The following ENTPD2 variants were observed in gnomAD, a reference collection of about 807,000 sequenced individuals.
The protein encoded by ENTPD2 is CD39 antigen-like 1.
In ENTPD2, 48 loss-of-function variants were observed where a neutral mutation model predicts 46.8. The observed-to-expected ratio is 1.03, with a 90% CI of 0.81 to 1.30. The LOEUF is 1.30. ENTPD2 is among the 50% of genes most tolerant of loss of function. The pLI, the probability that ENTPD2 is intolerant of heterozygous loss-of-function variation, is 0.00. For missense variants in ENTPD2, 707 were observed against 651.1 expected (o/e 1.09, Z -0.93); for synonymous variants, 316 against 286.1 (o/e 1.10, Z -1.06).
Position 137,048,308 on chromosome 9 carries a change from CAGGCTGA to C in ENTPD2, c.*342_*348del. 1 of 240,320 alleles carries C rather than the reference CAGGCTGA, an allele frequency of 4.2e-6. No individual in the cohort carries two copies. The highest frequency in any genetic ancestry group is 5.8e-5 in the South Asian group (1 of 17,114). 14.9% of individuals were successfully genotyped at this position (240,320 alleles called of 1,614,324 possible). A position where few individuals can be genotyped will look rare whatever the true frequency, so the allele number is the denominator to read the frequency against. ...GGAGCACGGGGCCTGCAGTGATGCCCAGGCTGAAGCGGGCTGGAGGGGTTCAAGGAGC... is the reference window on the plus strand; with the variant it reads ...GGAGCACGGGGCCTGCAGTGATGCCCAGCGGGCTGGAGGGGTTCAAGGAGC... On this transcript the variant is annotated 3_prime_UTR_variant, in exon 9 of 9. Coordinates refer to ENST00000355097, the MANE Select transcript of ENTPD2 (RefSeq NM_203468.3).
intron 5 of ENTPD2, 140 bp from the exon 6 acceptor site, chr9:137,050,678 A>G: frequency 7.2e-7 from 1 of 1,382,000 alleles, no homozygotes; most frequent in African/African-American, 1.4e-5. Flanking sequence ...CCTGCTTGAC[A>G]GATCCCAACG....
intron 5 of ENTPD2, 129 bp downstream of exon 5, chr9:137,050,773 T>C (rs1832271500): frequency 2.3e-6 from 3 of 1,322,482 alleles, no homozygotes; most frequent in Non-Finnish European, 3.1e-6. Flanking sequence ...GCTCATGCTC[T>C]GACCCTCCCA....
rs769533874 is a variant in ENTPD2 at position 137,050,404 on chromosome 9, C to G, written c.909G>C (p.Gly303=). 8.7e-6 allele frequency: 14 copies of G among 1,612,920 alleles called. No individual in the cohort carries two copies. The highest frequency in any genetic ancestry group is 5.0e-5 in the Admixed American group (3 of 59,998). The change falls in exon 6 of 9, where the codon GGG becomes GGC. Residue 303 remains glycine, a synonymous_variant. Transcript: ENST00000355097. ...CTCGGCAGAGGTGGGGGTCACTGCT[C>G]CCTGACAGGCTGACCCTGGCACTGC... The part of the protein sequence containing the change: ...FNSSARVSLS[G]SSDPHLCRDL...
In ENTPD2 at chr9:137,051,666, G is replaced by A. The variant is rs762206957; in HGVS notation, c.236-6C>T. Reference sequence around the variant, plus strand: ...ATAGCTGGAGATGCCCCCACCTAGAGGGAGGCAGAGAGATGAGCCTATGCC... The same window carrying A: ...ATAGCTGGAGATGCCCCCACCTAGAAGGAGGCAGAGAGATGAGCCTATGCC... On this transcript the variant is annotated splice_polypyrimidine_tract_variant and splice_region_variant and intron_variant, in intron 2 of 8. Transcript: ENST00000355097. 8 of 1,606,182 alleles carry A rather than the reference G, an allele frequency of 5.0e-6. No homozygotes were observed. The highest frequency in any genetic ancestry group is 1.7e-5 in the Admixed American group (1 of 59,126).
chr9:137,049,515 G>C, intron 7 of ENTPD2: 1 of 437,774 alleles, frequency 2.3e-6, no homozygotes, highest in Non-Finnish European at 4.1e-6. Context: ...CGACTCGTAC[G>C]TTTCTCTTGG....
chr9:137,049,641 C>T, intron 7 of ENTPD2: 1 of 534,500 alleles, frequency 1.9e-6, no homozygotes. Context: ...TCCCCCTGCC[C>T]TCCAGATCTG....
intron 5 of ENTPD2, 146 bp from the exon 6 acceptor site, chr9:137,050,684 C>G (rs866931253): frequency 2.9e-6 from 4 of 1,369,428 alleles, no homozygotes; most frequent in Middle Eastern, 2.5e-4. Context: ...TGACAGATCC[C>G]AACGCCCCTG....
intron 1 of ENTPD2, chr9:137,052,713 C>T (rs1170319498): frequency 6.1e-6 from 1 of 162,622 alleles, no homozygotes; most frequent in East Asian, 1.7e-4. Flanking sequence ...AGAGGAAGCT[C>T]CTCTGCAAGA....
At position 137,048,766 on chromosome 9, in the gene ENTPD2, TCTGTGCC is replaced by T. The variant is rs767224684; in HGVS notation, c.1372_1378del (p.Gly458ThrfsTer118). 2 of 1,599,928 alleles carry T rather than the reference TCTGTGCC, an allele frequency of 1.3e-6. No individual in the cohort carries two copies. Among genetic ancestry groups the T allele is most frequent in the Admixed American group, 1.7e-5 (1 of 59,078 alleles). On this transcript the variant is annotated frameshift_variant, in exon 9 of 9. Coordinates refer to ENST00000355097, the MANE Select transcript of ENTPD2 (RefSeq NM_203468.3). LOFTEE classifies it low-confidence loss of function (END_TRUNC). The stretch of plus-strand genomic sequence containing the variant: ...CAGGAGGACGACCCAGGAGCTGAAG[TCTGTGCC>T]CTTGCGCAGCCCCGGCGGGTCGGCG...
chr9:137,052,165 G>C, intron 2 of ENTPD2, 66 bp downstream of exon 2: 2 of 1,444,272 alleles, frequency 1.4e-6, no homozygotes, highest in East Asian at 4.5e-5. Context: ...CACTGGCTAA[G>C]GCTGGAGAGG....
chr9:137,049,189 G>A (rs1342337918), intron 7 of ENTPD2, 114 bp from the exon 8 acceptor site: 4 of 1,494,428 alleles, frequency 2.7e-6, no homozygotes, highest in Non-Finnish European at 3.6e-6. Flanking sequence ...CGGGCCGTGC[G>A]AGGCCAGAGA....
Position 137,051,592 on chromosome 9 carries a change from G to C in ENTPD2, c.304C>G (p.Gln102Glu). 1 of 1,612,812 alleles carries C rather than the reference G, an allele frequency of 6.2e-7. No homozygotes were observed. Among genetic ancestry groups the C allele is most frequent in the Non-Finnish European group, 8.5e-7 (1 of 1,179,934 alleles). The change falls in exon 3 of 9, where the codon CAG becomes GAG. Residue 102 changes from glutamine (Q) to glutamate (E), a missense_variant. Gln to Glu is a conservative substitution (Grantham distance 29). Coordinates refer to ENST00000355097, the MANE Select transcript of ENTPD2 (RefSeq NM_203468.3). Reference sequence around the variant, plus strand: ...TCTTTGGGCACATCCTGAAGCGCCTGTTCGAGGCATCCAACAAGACTCTGG... The same window carrying C: ...TCTTTGGGCACATCCTGAAGCGCCTCTTCGAGGCATCCAACAAGACTCTGG... The part of the protein sequence containing the change: ...ASQSLVGCLE[Q>E]ALQDVPKERH...
At position 137,048,797 on chromosome 9, in the gene ENTPD2, C is replaced by A; in HGVS notation, c.1348G>T (p.Ala450Ser). ...CCCTTGCGCAGCCCCGGCGGGTCGG[C>A]GGGGATCAGGTTGGTCAGGTTCAGC... ...YMLNLTNLIP[A>S]DPPGLRKGTD... The change falls in exon 9 of 9, where the codon GCC becomes TCC. Residue 450 changes from alanine (A) to serine (S), a missense_variant. Transcript: ENST00000355097. The A allele has an allele frequency of 1.9e-6, 3 of 1,583,764 alleles. No homozygotes were observed. The South Asian group carries it at 3.5e-5, about 18-fold the overall frequency.
At chr9:137,049,161 C>A in intron 7 of ENTPD2, 86 bp from the exon 8 acceptor site, 2 of 1,531,390 alleles carry the variant, frequency 1.3e-6, no homozygotes, top group South Asian at 1.2e-5. Flanking sequence ...GCGTGCTTCA[C>A]CCCTCCCCAG....
Position 137,048,273 on chromosome 9 carries a change from A to C in ENTPD2, c.*384T>G. On this transcript the variant is annotated 3_prime_UTR_variant, in exon 9 of 9. Transcript: ENST00000355097. Reference sequence around the variant, plus strand: ...ACTCTCTGGAGACCCAGCCCTGAGGAGGAGGAGGAGGAGCACGGGGCCTGC... The same window carrying C: ...ACTCTCTGGAGACCCAGCCCTGAGGCGGAGGAGGAGGAGCACGGGGCCTGC... 1 of 191,260 alleles carries C rather than the reference A, an allele frequency of 5.2e-6. No homozygotes were observed. The highest frequency in any genetic ancestry group is 1.1e-5 in the Non-Finnish European group (1 of 91,858). The allele number at this position is 191,260 out of a possible 1,614,324, so 11.8% of individuals were successfully genotyped here. A position where few individuals can be genotyped will look rare whatever the true frequency, so the allele number is the denominator to read the frequency against.
intron 1 of ENTPD2, chr9:137,053,173 T>G (rs1832335786): frequency 6.6e-6 from 1 of 152,514 alleles, no homozygotes; most frequent in Non-Finnish European, 1.5e-5. Context: ...CACATGGCCG[T>G]CCTGCAGGGC....
intron 7 of ENTPD2, 79 bp downstream of exon 7, chr9:137,049,791 C>G (rs1832221458): frequency 1.3e-6 from 2 of 1,491,888 alleles, no homozygotes; most frequent in Non-Finnish European, 1.8e-6. Flanking sequence ...GAGGCCTGTC[C>G]ATGCAGGGCT....
chr9:137,049,986 A>C lies in ENTPD2; in HGVS notation c.1033T>G (p.Phe345Val), dbSNP rs1279179604. The C allele has an allele frequency of 3.7e-6, 6 of 1,611,368 alleles. No homozygotes were observed. Among genetic ancestry groups the C allele is most frequent in the African/African-American group, 1.3e-5 (1 of 74,724 alleles). Residue 345 changes from phenylalanine to valine, a missense_variant, in exon 7 of 9, where the codon TTC becomes GTC. Coordinates refer to ENST00000355097, the MANE Select transcript of ENTPD2 (RefSeq NM_203468.3). ...TCCACAGTGTAGAAGAAGGCAGAGA[A>C]GGCCTGTAGGGGGCGCAGTCACACT... ...QPPVAGNFVA[F>V]SAFFYTVDFL...
chr9:137,053,726 A>G (rs1300326881), intron 1 of ENTPD2, among the ~76,000 whole-genome samples, 155 bp downstream of exon 1: 2 of 152,026 alleles, frequency 1.3e-5, no homozygotes, highest in Non-Finnish European at 2.9e-5. Flanking sequence ...CGGGGAGCGC[A>G]GAGCGCGGAA....
Sources: allele counts gnomAD v4.1 joint callset (sites outside exome capture counted in the v4.1 genomes callset), GRCh38; gene constraint gnomAD v4.1.1; transcripts MANE v1.5; gene names NCBI Gene and HGNC (gene_info 2026-07-23, HGNC 2026-07-21).